SUSD4: variants seen among roughly 807,000 people sequenced by gnomAD.
SUSD4 encodes sushi domain containing 4.
SUSD4 carries 41 observed loss-of-function variants against 50.5 expected under a neutral mutation model. The ratio of observed to expected loss-of-function variants is 0.81; its 90% confidence interval spans 0.63 to 1.05. The LOEUF (loss-of-function observed/expected upper bound fraction) is 1.05, where lower values mean the gene tolerates loss of function less well. Among genes scored for constraint, SUSD4 ranks in the 50% least tolerant of loss-of-function variants. The pLI is 0.00. For synonymous variants in SUSD4, 257 were observed against 257.3 expected (o/e 1.00, Z 0.01); for missense variants, 580 against 634.7 (o/e 0.91, Z 0.93).
At chr1:223,268,118 G>A (rs1662651837) in intron 4 of SUSD4, among the ~76,000 whole-genome samples, 1 of 146,232 alleles carries the variant, frequency 6.8e-6, no homozygotes, top group Non-Finnish European at 1.5e-5. Flanking sequence ...ATTGAAATAA[G>A]TACAAATGCT....
intron 3 of SUSD4, among the ~76,000 whole-genome samples, chr1:223,269,216 A>G (rs1187405326): frequency 2.0e-5 from 3 of 152,210 alleles, no homozygotes; most frequent in Non-Finnish European, 4.4e-5. Flanking sequence ...TGTCCACCTT[A>G]TCTGTTTAAA....
intron 5 of SUSD4, among the ~76,000 whole-genome samples, chr1:223,260,786 C>T (rs1378583988): frequency 2.6e-5 from 4 of 152,182 alleles, no homozygotes; most frequent in South Asian, 2.1e-4. Flanking sequence ...AACATGCGAC[C>T]CACATCTTCG....
intron 2 of SUSD4, among the ~76,000 whole-genome samples, chr1:223,296,611 A>C (rs532532467): frequency 4.6e-5 from 7 of 152,306 alleles, no homozygotes; most frequent in African/African-American, 1.4e-4. Flanking sequence ...ACACCCAGAA[A>C]GGATGATAGA....
In SUSD4 at chr1:223,222,187, C is replaced by A; in HGVS notation, c.*5G>T. Reference sequence around the variant, plus strand: ...GCAGGAGAGTCATCTGGATCTTGACCCATATTAGGGATCTTCTTCCATTAG... The same window carrying A: ...GCAGGAGAGTCATCTGGATCTTGACACATATTAGGGATCTTCTTCCATTAG... On this transcript the variant is annotated 3_prime_UTR_variant, in exon 9 of 9. Coordinates refer to ENST00000366878, the MANE Select transcript of SUSD4 (RefSeq NM_017982.4). 6.2e-7 allele frequency: 1 copy of A among 1,613,314 alleles called. No homozygotes were observed. Among genetic ancestry groups the A allele is most frequent in the East Asian group, 2.2e-5 (1 of 44,834 alleles).
chr1:223,225,619 T>C (rs941567806), intron 7 of SUSD4, among the ~76,000 whole-genome samples: 2 of 152,196 alleles, frequency 1.3e-5, no homozygotes, highest in African/African-American at 4.8e-5. Context: ...TCCCTTCCTC[T>C]CCGGCCACTT....
At chr1:223,270,335 G>A (rs1383512698) in intron 3 of SUSD4, among the ~76,000 whole-genome samples, 3 of 152,122 alleles carry the variant, frequency 2.0e-5, no homozygotes, top group African/African-American at 4.8e-5. Flanking sequence ...CACACCTGGC[G>A]AAAGAGTGCC....
At chr1:223,259,491 C>A (rs1022571267) in intron 5 of SUSD4, among the ~76,000 whole-genome samples, 2 of 152,324 alleles carry the variant, frequency 1.3e-5, no homozygotes, top group Admixed American at 1.3e-4. Context: ...CTCAAAGAGG[C>A]ACAGTGCTGT....
At chr1:223,222,251 CA>C (rs2102984951) in intron 8 of SUSD4, 31 bp from the exon 9 acceptor site, 1 of 1,609,278 alleles carries the variant, frequency 6.2e-7, no homozygotes, top group Non-Finnish European at 8.5e-7. Flanking sequence ...ATTAGCTTAA[CA>C]TAACCAGAAA....
intron 2 of SUSD4, among the ~76,000 whole-genome samples, chr1:223,310,635 C>T (rs1343226466): frequency 2.6e-5 from 4 of 152,106 alleles, no homozygotes; most frequent in Non-Finnish European, 4.4e-5. Context: ...ATTAACCATG[C>T]TATTTAAGAT....
intron 5 of SUSD4, chr1:223,235,201 T>G (rs964544301): frequency 2.3e-6 from 3 of 1,309,098 alleles, no homozygotes; most frequent in African/African-American, 3.0e-5. Flanking sequence ...AATAAAGACT[T>G]TATTTTTAAG....
rs866175862 is a variant in SUSD4, at chr1:223,356,927, T to C, written c.148+6351A>G. Among the ~76,000 whole-genome samples, 33 of 152,194 alleles carry C rather than the reference T, an allele frequency of 2.2e-4. 1 individual carries two copies. Among genetic ancestry groups the C allele is most frequent in the African/African-American group, 8.0e-4 (33 of 41,432 alleles). ...AAAAACATCTTGCAAACTGTACTTGTCAAGTGCTTGTCCAAGTTACATGAA... is the reference window on the plus strand; with the variant it reads ...AAAAACATCTTGCAAACTGTACTTGCCAAGTGCTTGTCCAAGTTACATGAA... On this transcript the variant is annotated intron_variant, in intron 2 of 8. Transcript: ENST00000366878.
At chr1:223,226,362 T>G (rs1051367872) in intron 7 of SUSD4, among the ~76,000 whole-genome samples, 6 of 152,192 alleles carry the variant, frequency 3.9e-5, no homozygotes, top group African/African-American at 1.4e-4. Context: ...TGGGGAGGGA[T>G]GCAGGTGACA....
At chr1:223,351,198 G>C (rs538112683) in intron 2 of SUSD4, among the ~76,000 whole-genome samples, 1 of 152,228 alleles carries the variant, frequency 6.6e-6, no homozygotes, top group Non-Finnish European at 1.5e-5. Context: ...CAGTCCCCCC[G>C]GATTGCCACA....
chr1:223,267,613 C>T (rs77132039), intron 4 of SUSD4, among the ~76,000 whole-genome samples: 2,117 of 152,228 alleles, frequency 0.014, 44 homozygotes, highest in African/African-American at 0.048. Context: ...GCTCAAGCCT[C>T]TCTTCCTTCA....
In SUSD4 at chr1:223,229,398, T is replaced by C. The variant is rs200027540; in HGVS notation, c.725-10A>G. On this transcript the variant is annotated splice_polypyrimidine_tract_variant and intron_variant, in intron 5 of 8. Transcript: ENST00000366878. This position sits in a 1 kb window ranked among gnomAD's most constrained non-coding sequence, Gnocchi z 4.7. ...GGAGGTAGTGGACAGACTTGGGCAG[T>C]AGGGGAGAATAAAAGTTTCAGAACC... is the stretch of plus-strand genomic sequence containing the variant. 1.6e-5 allele frequency: 25 copies of C among 1,573,294 alleles called. No homozygotes were observed. The African/African-American group carries it at 2.3e-4, about 14-fold the overall frequency.
chr1:223,271,533 A>G (rs1031105839), intron 3 of SUSD4, among the ~76,000 whole-genome samples: 2 of 152,204 alleles, frequency 1.3e-5, no homozygotes, highest in African/African-American at 4.8e-5. Flanking sequence ...GAGGAGCCAC[A>G]TATCAACTAG....
chr1:223,247,177 G>A (rs928385903), intron 5 of SUSD4, among the ~76,000 whole-genome samples: 7 of 152,210 alleles, frequency 4.6e-5, no homozygotes, highest in Non-Finnish European at 7.3e-5. Context: ...TCGTGGGAGA[G>A]GCTGCTGGTT....
intron 5 of SUSD4, among the ~76,000 whole-genome samples, chr1:223,234,726 T>C (rs545105468): frequency 6.6e-6 from 1 of 152,292 alleles, no homozygotes; most frequent in Non-Finnish European, 1.5e-5. Context: ...ACACCAGGAT[T>C]TGTGTCCATT....
In SUSD4 at chr1:223,363,376, TG is replaced by T; in HGVS notation, c.49del (p.Gln17SerfsTer16). 1 of 1,594,324 alleles carries T rather than the reference TG, an allele frequency of 6.3e-7. No individual in the cohort carries two copies. Among genetic ancestry groups the T allele is most frequent in the Non-Finnish European group, 8.5e-7 (1 of 1,170,336 alleles). On this transcript the variant is annotated frameshift_variant, in exon 2 of 9. Coordinates refer to ENST00000366878, the MANE Select transcript of SUSD4 (RefSeq NM_017982.4). LOFTEE classifies it high-confidence loss of function. ...GGACTGAGGTTGCTGCTGCTGCTGC[TG>T]CTGCTCTAGAAATCCATCTCCATTG... The part of the protein sequence containing the change: ...PSNGDGFLEQ[Q>X]QQQQQPQSPQ...
Sources: allele counts gnomAD v4.1 joint callset (sites outside exome capture counted in the v4.1 genomes callset), GRCh38; gene constraint gnomAD v4.1.1; non-coding constraint Gnocchi (gnomAD v3.1); transcripts MANE v1.5; gene names NCBI Gene and HGNC (gene_info 2026-07-23, HGNC 2026-07-21).